Variants in PRICKLE2 observed in about 807,000 individuals in gnomAD.
The protein encoded by PRICKLE2 is prickle planar cell polarity protein 2, also known as prickle-like protein 2.
PRICKLE2 carries 21 observed loss-of-function variants against 81.4 expected under a neutral mutation model. That is an observed-to-expected ratio of 0.26 (90% confidence interval 0.18 to 0.37). PRICKLE2 has a LOEUF of 0.37. Ranked by LOEUF, PRICKLE2 falls within the 10% of genes least tolerant of loss-of-function variation. PRICKLE2 has a pLI of 1.00. For synonymous variants in PRICKLE2, 456 were observed against 421.5 expected (o/e 1.08, Z -1.00); for missense variants, 940 against 1,109.0 (o/e 0.85, Z 2.16).
At chr3:64,240,702 C>T (rs897973963) in intron 2 of PRICKLE2, among the ~76,000 whole-genome samples, 1 of 152,160 alleles carries the variant, frequency 6.6e-6, no homozygotes, top group East Asian at 1.9e-4. Context: ...GACCAGCAGC[C>T]TCAGTATCAC....
intron 2 of PRICKLE2, among the ~76,000 whole-genome samples, chr3:64,184,846 T>C (rs186454733): frequency 6.6e-6 from 1 of 152,282 alleles, no homozygotes; most frequent in East Asian, 1.9e-4. Flanking sequence ...CACACAGCAA[T>C]GGGGCACAAA....
chr3:64,156,840 T>C (rs1192070904), intron 5 of PRICKLE2, among the ~76,000 whole-genome samples: 1 of 152,246 alleles, frequency 6.6e-6, no homozygotes, highest in East Asian at 1.9e-4. Context: ...TATCTAAAGA[T>C]GCACAATGCA....
intron 1 of PRICKLE2, among the ~76,000 whole-genome samples, chr3:64,222,535 G>A (rs1372170800): frequency 6.6e-6 from 1 of 152,174 alleles, no homozygotes; most frequent in African/African-American, 2.4e-5. Context: ...GGCAGACCAC[G>A]AGCCTGGCAA....
At chr3:64,184,980 A>G (rs1354345527) in intron 2 of PRICKLE2, among the ~76,000 whole-genome samples, 1 of 152,212 alleles carries the variant, frequency 6.6e-6, no homozygotes, top group Non-Finnish European at 1.5e-5. Context: ...TTGGCACTGC[A>G]GCTTTTTTCC....
At chr3:64,233,481 C>T (rs1184347979) in intron 2 of PRICKLE2, among the ~76,000 whole-genome samples, 1 of 152,180 alleles carries the variant, frequency 6.6e-6, no homozygotes, top group Non-Finnish European at 1.5e-5. Context: ...ACATGCCAGG[C>T]ACATGTGTGC....
chr3:64,211,240 T>C (rs1225243360), intron 1 of PRICKLE2, among the ~76,000 whole-genome samples: 1 of 152,180 alleles, frequency 6.6e-6, no homozygotes, highest in African/African-American at 2.4e-5. Context: ...ACAGAGGCAA[T>C]GCCGAAATAC....
intron 7 of PRICKLE2, among the ~76,000 whole-genome samples, chr3:64,116,454 T>A (rs1026916755): frequency 6.6e-6 from 1 of 151,676 alleles, no homozygotes; most frequent in African/African-American, 2.4e-5. Context: ...GACCACTAGC[T>A]AGACTAATAA....
At chr3:64,188,391 C>A (rs1472047445) in intron 2 of PRICKLE2, among the ~76,000 whole-genome samples, 1 of 152,194 alleles carries the variant, frequency 6.6e-6, no homozygotes, top group Non-Finnish European at 1.5e-5. Flanking sequence ...AGTAATGGCT[C>A]TCAAGCTTTG....
intron 2 of PRICKLE2, among the ~76,000 whole-genome samples, chr3:64,171,552 G>A (rs947521276): frequency 1.3e-5 from 2 of 152,204 alleles, no homozygotes; most frequent in African/African-American, 4.8e-5. Flanking sequence ...TAGAATGTGA[G>A]TACTTAGGAC....
intron 5 of PRICKLE2, among the ~76,000 whole-genome samples, chr3:64,156,663 C>G (rs555309715): frequency 1.5e-3 from 222 of 152,174 alleles, no homozygotes; most frequent in Non-Finnish European, 2.6e-3. Context: ...CCATCTGCCT[C>G]CTGAATTTTT....
rs1474009444 is a variant in PRICKLE2, at chr3:64,094,897, T to TA, written c.*4153dup. ...CAAATGCTGTCTGCAGAGCCCATTT[T>TA]AAAGCCCTGAAGGTGCAAAACAGTT... On this transcript the variant is annotated 3_prime_UTR_variant, in exon 8 of 8. Coordinates refer to ENST00000638394, the MANE Select transcript of PRICKLE2 (RefSeq NM_198859.4). 1.3e-5 allele frequency: 2 copies of TA among 152,628 alleles called. No homozygotes were observed. Among genetic ancestry groups the TA allele is most frequent in the East Asian group, 3.9e-4 (2 of 5,190 alleles). The allele number at this position is 152,628 out of a possible 1,614,324, so 9.5% of individuals were successfully genotyped here. A position where few individuals can be genotyped will look rare whatever the true frequency, so the allele number is the denominator to read the frequency against.
intron 3 of PRICKLE2, among the ~76,000 whole-genome samples, chr3:64,161,831 G>C (rs1293982608): frequency 6.6e-6 from 1 of 151,726 alleles, no homozygotes; most frequent in Non-Finnish European, 1.5e-5. Flanking sequence ...GCTTTCAAAG[G>C]AAGGCACACC....
At chr3:64,216,032 G>A (rs1198168434) in intron 1 of PRICKLE2, among the ~76,000 whole-genome samples, 2 of 152,228 alleles carry the variant, frequency 1.3e-5, no homozygotes, top group Non-Finnish European at 2.9e-5. Flanking sequence ...CTACAGAATG[G>A]AAGAAAATCA....
chr3:64,207,947 A>T (rs1286113037), intron 1 of PRICKLE2, among the ~76,000 whole-genome samples: 1 of 152,238 alleles, frequency 6.6e-6, no homozygotes, highest in Admixed American at 6.5e-5. Flanking sequence ...GGAGCTGGGC[A>T]GCGGCCTGAC....
intron 2 of PRICKLE2, among the ~76,000 whole-genome samples, chr3:64,180,951 T>C (rs150677626): frequency 1.5e-4 from 23 of 152,324 alleles, no homozygotes; most frequent in African/African-American, 5.5e-4. Context: ...TACATTTAAG[T>C]CCTTTCATAA....
In PRICKLE2 at chr3:64,099,292, C is replaced by G; in HGVS notation, c.2294G>C (p.Trp765Ser). Residue 765 changes from tryptophan to serine, a missense_variant, in exon 8 of 8, where the codon TGG becomes TCG. Around this residue, in one of 2 missense-constraint regions of PRICKLE2, gnomAD observed 670 missense variants for 717.2 expected, o/e 0.93. Transcript: ENST00000638394. This position sits in a 1 kb window ranked among gnomAD's most constrained non-coding sequence, Gnocchi z 4.3. ...LALQNAFGDR[W>S]GPYFAEYDWC... is the part of the protein sequence containing the mutation. ...ATCATACTCGGCGAAGTAGGGTCCC[C>G]AGCGGTCCCCAAAGGCATTCTGCAA... 9.3e-6 allele frequency: 15 copies of G among 1,614,216 alleles called. No individual in the cohort carries two copies. Among genetic ancestry groups the G allele is most frequent in the Non-Finnish European group, 1.3e-5 (15 of 1,180,034 alleles).
upstream of PRICKLE2, among the ~76,000 whole-genome samples, chr3:64,225,975 G>C (rs1360517442): frequency 6.7e-6 from 1 of 149,260 alleles, no homozygotes; most frequent in African/African-American, 2.5e-5. Flanking sequence ...TTGAGTTTTT[G>C]TGCACCTCGA....
At chr3:64,175,473 C>G (rs1193571893) in intron 2 of PRICKLE2, among the ~76,000 whole-genome samples, 1 of 152,138 alleles carries the variant, frequency 6.6e-6, no homozygotes, top group South Asian at 2.1e-4. Flanking sequence ...GAATATTTGT[C>G]TACACCAAAG....
At chr3:64,182,091 C>A (rs184423995) in intron 2 of PRICKLE2, among the ~76,000 whole-genome samples, 1 of 151,914 alleles carries the variant, frequency 6.6e-6, no homozygotes, top group African/African-American at 2.4e-5. Context: ...TGAATTTGTA[C>A]CCCCAAATTC....
Sources: gnomAD v4.1 joint callset for allele counts (sites outside exome capture counted in the v4.1 genomes callset) on GRCh38, gnomAD v4.1.1 for gene constraint, gnomAD v4.1.1 regional missense constraint, Gnocchi (gnomAD v3.1) non-coding constraint, MANE v1.5 for transcripts, NCBI Gene and HGNC (gene_info 2026-07-23, HGNC 2026-07-21) for gene names.